FAM9B: variants seen among roughly 807,000 people sequenced by gnomAD.
The protein encoded by FAM9B is protein FAM9B.
A neutral mutation model predicts 16.6 loss-of-function variants in FAM9B; 18 were observed. The observed-to-expected ratio is 1.09, with a 90% CI of 0.75 to 1.61. The LOEUF (loss-of-function observed/expected upper bound fraction) is 1.61, where lower values mean the gene tolerates loss of function less well. FAM9B is among the 40% of genes most tolerant of loss of function. The probability of loss-of-function intolerance (pLI) is 0.00; values close to 1 mark genes in which losing one functional copy is unlikely to be tolerated. For synonymous variants in FAM9B, 43 were observed against 42.6 expected (o/e 1.01, Z -0.03); for missense variants, 155 against 136.0 (o/e 1.14, Z -0.70).
chrX:9,026,604 A>C (rs1490240487), intron 7 of FAM9B, among the ~76,000 whole-genome samples: 1 of 111,355 alleles, frequency 9.0e-6, no homozygotes, highest in Non-Finnish European at 1.9e-5. Flanking sequence ...AGTACAGGTA[A>C]GGAAGAATGA....
intron 4 of FAM9B, 144 bp from the exon 5 acceptor site, chrX:9,030,504 T>C: frequency 2.5e-6 from 1 of 405,025 alleles, no homozygotes; most frequent in Non-Finnish European, 4.0e-6. Context: ...GCAAAGATCA[T>C]TTCAAAAAGC....
Position 9,030,305 on chromosome X carries a change from T to C in FAM9B, c.237A>G (p.Thr79=). ...RMKMDKTCSK[T]KNKSKHALRK... ...TCAAAGCATGTTTACTTTTGTTCTT[T>C]GTTTTGCTGCAAGTTTTATCCATTT... The change falls in exon 5 of 9, where the codon ACA becomes ACG. Residue 79 remains threonine (T), a synonymous_variant. Transcript: ENST00000327220. The C allele has an allele frequency of 8.3e-7, 1 of 1,206,332 alleles. No homozygotes were observed. The highest frequency in any genetic ancestry group is 1.8e-5 in the South Asian group (1 of 55,721).
rs371572820 is a variant in FAM9B at position 9,032,909 on chromosome X, C to G, written c.28+50G>C. 187 of 1,196,456 alleles carry G rather than the reference C, an allele frequency of 1.6e-4. No homozygotes were observed. In the African/African-American group the frequency reaches 3.0e-3, roughly 19 times the overall value. On this transcript the variant is annotated intron_variant, in intron 2 of 8. Coordinates refer to ENST00000327220, the MANE Select transcript of FAM9B (RefSeq NM_205849.3). The stretch of plus-strand genomic sequence containing the variant: ...CCCCCAGCGCAGAAAGCAGACAGAC[C>G]GTCCTCTTGGGCGTGCACCTTCTTC...
intron 7 of FAM9B, among the ~76,000 whole-genome samples, chrX:9,025,995 G>C (rs1245825806): frequency 9.0e-6 from 1 of 111,505 alleles, no homozygotes; most frequent in African/African-American, 3.3e-5. Context: ...TTGGTGATAT[G>C]ACCTCATCAA....
At chrX:9,026,922 T>C (rs1176194060) in intron 7 of FAM9B, among the ~76,000 whole-genome samples, 1 of 111,809 alleles carries the variant, frequency 8.9e-6, no homozygotes, top group Non-Finnish European at 1.9e-5. Flanking sequence ...GCTTGAAAAT[T>C]TTATTTTCAA....
chrX:9,032,828 G>A (rs988764513), intron 2 of FAM9B, 131 bp downstream of exon 2: 42 of 954,626 alleles, frequency 4.4e-5, no homozygotes, highest in Non-Finnish European at 5.4e-5. Flanking sequence ...ATCTTAGCAC[G>A]TGCACAATGG....
chrX:9,033,701 G>T, intron 1 of FAM9B, 151 bp downstream of exon 1: 11 of 54,502 alleles, frequency 2.0e-4, no homozygotes, highest in South Asian at 1.0e-3. Context: ...GCCCACCCTA[G>T]CCCACCCTCA....
At chrX:9,030,035 G>A (rs1921022322) in intron 5 of FAM9B, 1 of 534,012 alleles carries the variant, frequency 1.9e-6, no homozygotes, top group South Asian at 4.7e-5. Flanking sequence ...TTTTTATCTG[G>A]AAGGCAAAAA....
rs746725564 is a variant in FAM9B at position 9,032,558 on chromosome X, G to A, written c.29-97C>T. On this transcript the variant is annotated intron_variant, in intron 2 of 8. Transcript: ENST00000327220. ...GTACTAGTTGTAGACTTTTTTGGGGGGGGGGGGCTCTCTGCCAATTAAAGC... is the reference window on the plus strand; with the variant it reads ...GTACTAGTTGTAGACTTTTTTGGGGAGGGGGGGCTCTCTGCCAATTAAAGC... 38 of 579,460 alleles carry A rather than the reference G, an allele frequency of 6.6e-5. 2 individuals carry two copies. In the East Asian group the frequency reaches 1.9e-3, roughly 28 times the overall value. 47.8% of individuals were successfully genotyped at this position (579,460 alleles called of 1,213,427 possible).
intron 1 of FAM9B, 165 bp from the exon 2 acceptor site, chrX:9,033,240 G>T: frequency 9.1e-7 from 1 of 1,095,835 alleles, no homozygotes; most frequent in South Asian, 2.3e-5. Flanking sequence ...GTCCTGGCCC[G>T]TCCAGCCCGT....
Position 9,032,448 on chromosome X carries a change from G to T in FAM9B, c.42C>A (p.Val14=). 2 of 1,206,918 alleles carry T rather than the reference G, an allele frequency of 1.7e-6. No individual in the cohort carries two copies. The highest frequency in any genetic ancestry group is 3.5e-5 in the African/African-American group (2 of 57,340). The part of the protein sequence containing the change: ...WGKKHAGKDP[V]RDECEERNRF... The stretch of plus-strand genomic sequence containing the variant: ...GGTTTCTTTCCTCACATTCATCACG[G>T]ACTGGATCCTTTCCTGCATTAAAAT... Residue 14 remains valine (V), a synonymous_variant, in exon 3 of 9, where the codon GTC becomes GTA. Coordinates refer to ENST00000327220, the MANE Select transcript of FAM9B (RefSeq NM_205849.3).
intron 2 of FAM9B, 142 bp downstream of exon 2, chrX:9,032,817 C>T: frequency 1.1e-6 from 1 of 895,889 alleles, no homozygotes; most frequent in Non-Finnish European, 1.5e-6. Context: ...AAACCTGGCG[C>T]ATCTTAGCAC....
chrX:9,029,126 T>A (rs975516721), intron 6 of FAM9B, among the ~76,000 whole-genome samples, 181 bp downstream of exon 6: 5 of 111,968 alleles, frequency 4.5e-5, no homozygotes, highest in African/African-American at 1.6e-4. Context: ...GTTATGATGC[T>A]GACTTCAGTT....
intron 7 of FAM9B, among the ~76,000 whole-genome samples, chrX:9,027,042 T>G (rs1920974071): frequency 8.9e-6 from 1 of 111,886 alleles, no homozygotes; most frequent in Non-Finnish European, 1.9e-5. Flanking sequence ...CAAAAAAGAT[T>G]CCACTGCTTC....
chrX:9,025,150 A>G lies in FAM9B; in HGVS notation c.*259T>C. The stretch of plus-strand genomic sequence containing the variant: ...TATGCAATCCCTGCTTTCTCACAGA[A>G]GTGTCTAGGATTCATTCAACAGATC... On this transcript the variant is annotated 3_prime_UTR_variant, in exon 9 of 9. Transcript: ENST00000327220. 7.7e-6 allele frequency: 1 copy of G among 129,187 alleles called. No homozygotes were observed. Among genetic ancestry groups the G allele is most frequent in the Non-Finnish European group, 1.6e-5 (1 of 64,134 alleles). The allele number at this position is 129,187 out of a possible 1,213,427, so 10.6% of individuals were successfully genotyped here.
At chrX:9,027,623 T>A (rs1336621492) in intron 7 of FAM9B, among the ~76,000 whole-genome samples, 1 of 111,789 alleles carries the variant, frequency 8.9e-6, no homozygotes, top group Non-Finnish European at 1.9e-5. Flanking sequence ...ATAAGATGTG[T>A]ATTTCTAGGT....
intron 2 of FAM9B, chrX:9,032,680 C>T: frequency 5.2e-6 from 3 of 571,757 alleles, no homozygotes; most frequent in Non-Finnish European, 8.1e-6. Context: ...AAACAACGTA[C>T]TACAGTTCAG....
intron 7 of FAM9B, among the ~76,000 whole-genome samples, chrX:9,026,969 T>C (rs1304951097): frequency 8.9e-6 from 1 of 111,779 alleles, no homozygotes; most frequent in Non-Finnish European, 1.9e-5. Flanking sequence ...TCTCAGTTAG[T>C]GTAGAGAAGT....
chrX:9,025,211 C>T lies in FAM9B; in HGVS notation c.*198G>A. 1 of 172,832 alleles carries T rather than the reference C, an allele frequency of 5.8e-6. No homozygotes were observed. Among genetic ancestry groups the T allele is most frequent in the Non-Finnish European group, 1.1e-5 (1 of 93,272 alleles). The allele number at this position is 172,832 out of a possible 1,213,427, so 14.2% of individuals were successfully genotyped here. On this transcript the variant is annotated 3_prime_UTR_variant, in exon 9 of 9. Coordinates refer to ENST00000327220, the MANE Select transcript of FAM9B (RefSeq NM_205849.3). ...GGTCTGGCATTTAACAGACGAGTGA[C>T]AGAGGAGCTATACCGATTTATACAA...
Sources: allele counts gnomAD v4.1 joint callset (sites outside exome capture counted in the v4.1 genomes callset), GRCh38; gene constraint gnomAD v4.1.1; transcripts MANE v1.5; gene names NCBI Gene and HGNC (gene_info 2026-07-23, HGNC 2026-07-21).